HIBADH: variants seen among roughly 807,000 people sequenced by gnomAD.
HIBADH encodes 3-hydroxyisobutyrate dehydrogenase, mitochondrial.
A neutral mutation model predicts 36.1 loss-of-function variants in HIBADH; 25 were observed. That is an observed-to-expected ratio of 0.69 (90% confidence interval 0.50 to 0.97). The LOEUF is 0.97. HIBADH is among the 50% of genes least tolerant of loss of function. HIBADH has a pLI of 0.00. For synonymous variants in HIBADH, 160 were observed against 149.5 expected (o/e 1.07, Z -0.51); for missense variants, 421 against 418.0 (o/e 1.01, Z -0.06).
At position 27,632,544 on chromosome 7, in the gene HIBADH, A is replaced by G. The variant is rs190569324; in HGVS notation, c.253-99T>C. On this transcript the variant is annotated intron_variant, in intron 2 of 7. Transcript: ENST00000265395. The stretch of plus-strand genomic sequence containing the variant: ...CTTTTCATGCATGCCTATAACAGTG[A>G]CAGTGCATAAAGACTAATCCTTGTT... The G allele has an allele frequency of 3.3e-3, 2,284 of 682,046 alleles. 8 individuals are homozygous for G. Among genetic ancestry groups the G allele is most frequent in the Non-Finnish European group, 4.6e-3 (1,781 of 385,762 alleles). 42.2% of individuals were successfully genotyped at this position (682,046 alleles called of 1,614,324 possible).
At chr7:27,651,975 C>T (rs1480652901) in intron 1 of HIBADH, among the ~76,000 whole-genome samples, 3 of 151,908 alleles carry the variant, frequency 2.0e-5, no homozygotes, top group Middle Eastern at 6.8e-3. Flanking sequence ...GAACTCCATA[C>T]AGAAAAAGGA....
chr7:27,609,840 C>A (rs929175230), intron 4 of HIBADH, among the ~76,000 whole-genome samples: 2 of 151,888 alleles, frequency 1.3e-5, no homozygotes, highest in African/African-American at 2.4e-5. Flanking sequence ...TTTTTTGAGA[C>A]AGAGTCTTGC....
chr7:27,640,050 C>G (rs1785933579), intron 2 of HIBADH, among the ~76,000 whole-genome samples: 2 of 152,184 alleles, frequency 1.3e-5, no homozygotes, highest in Non-Finnish European at 2.9e-5. Flanking sequence ...GGACTTTGGT[C>G]ACCGCCACCC....
At chr7:27,621,074 TC>T (rs1197243960) in intron 4 of HIBADH, among the ~76,000 whole-genome samples, 2 of 150,378 alleles carry the variant, frequency 1.3e-5, no homozygotes, top group Non-Finnish European at 2.9e-5. Context: ...CAAGCAAGAA[TC>T]GTTATACTTA....
chr7:27,534,304 G>C (rs1784041800), intron 6 of HIBADH, among the ~76,000 whole-genome samples: 1 of 149,784 alleles, frequency 6.7e-6, no homozygotes, highest in Non-Finnish European at 1.5e-5. Context: ...ACTAAACTGG[G>C]ATGTTTGTAT....
At chr7:27,616,946 G>C (rs1326432265) in intron 4 of HIBADH, among the ~76,000 whole-genome samples, 1 of 152,166 alleles carries the variant, frequency 6.6e-6, no homozygotes, top group Non-Finnish European at 1.5e-5. Context: ...AGTTTGTAAA[G>C]TAAAAATGTT....
chr7:27,572,817 T>C (rs1029824677), intron 4 of HIBADH, among the ~76,000 whole-genome samples: 14 of 152,158 alleles, frequency 9.2e-5, no homozygotes, highest in African/African-American at 3.4e-4. Flanking sequence ...TTGCTCAAAT[T>C]AAGAATTTGA....
chr7:27,599,776 A>C (rs1290738645), intron 4 of HIBADH, among the ~76,000 whole-genome samples: 1 of 151,580 alleles, frequency 6.6e-6, no homozygotes, highest in African/African-American at 2.4e-5. Context: ...TAAAACATTC[A>C]GTTTTTTTTT....
intron 7 of HIBADH, among the ~76,000 whole-genome samples, chr7:27,528,198 CTT>C (rs1044865669): frequency 1.3e-5 from 2 of 152,092 alleles, no homozygotes; most frequent in African/African-American, 4.8e-5. Flanking sequence ...CTCTCTCTCT[CTT>C]ACCCCTCAGG....
intron 4 of HIBADH, among the ~76,000 whole-genome samples, chr7:27,566,903 T>C (rs1055580489): frequency 2.0e-5 from 3 of 152,176 alleles, no homozygotes; most frequent in Non-Finnish European, 4.4e-5. Context: ...AGAATACATT[T>C]TGTTTAATTC....
chr7:27,583,375 C>A (rs773963072), intron 4 of HIBADH, among the ~76,000 whole-genome samples: 9 of 151,990 alleles, frequency 5.9e-5, no homozygotes, highest in Non-Finnish European at 1.2e-4. Context: ...AAAGCAAATA[C>A]CTTCACCAAA....
intron 4 of HIBADH, among the ~76,000 whole-genome samples, chr7:27,550,659 T>A (rs1784305313): frequency 6.6e-6 from 1 of 152,160 alleles, no homozygotes; most frequent in Admixed American, 6.6e-5. Flanking sequence ...CCCCCCTTTC[T>A]CTATTCTTAA....
At chr7:27,624,458 T>G (rs1401832248) in intron 4 of HIBADH, among the ~76,000 whole-genome samples, 1 of 152,232 alleles carries the variant, frequency 6.6e-6, no homozygotes, top group Non-Finnish European at 1.5e-5. Context: ...TATATAATTA[T>G]GGAAATATCA....
chr7:27,563,863 TAAC>T (rs1784501473), intron 4 of HIBADH, among the ~76,000 whole-genome samples: 1 of 151,982 alleles, frequency 6.6e-6, no homozygotes, highest in Non-Finnish European at 1.5e-5. Context: ...TTCAGCCTCT[TAAC>T]AGTGTTTTAG....
At chr7:27,626,159 C>A (rs995747990) in intron 4 of HIBADH, among the ~76,000 whole-genome samples, 1 of 137,874 alleles carries the variant, frequency 7.3e-6, no homozygotes. Context: ...AAAAGAAGCA[C>A]CAACCCCATT....
rs372529743 is a variant in HIBADH at position 27,543,112 on chromosome 7, G to T, written c.485-12C>A. 6.2e-7 allele frequency: 1 copy of T among 1,612,860 alleles called. No homozygotes were observed. Among genetic ancestry groups the T allele is most frequent in the Non-Finnish European group, 8.5e-7 (1 of 1,179,388 alleles). On this transcript the variant is annotated splice_polypyrimidine_tract_variant and intron_variant, in intron 4 of 7. Coordinates refer to ENST00000265395, the MANE Select transcript of HIBADH (RefSeq NM_152740.4). ...TGCAGCTCCTACACCTGAATCATTT[G>T]GGGGTAAAGGGATAGAAGCAAAAGA... is the stretch of plus-strand genomic sequence containing the variant.
intron 4 of HIBADH, among the ~76,000 whole-genome samples, chr7:27,606,913 A>C (rs1423746884): frequency 1.3e-5 from 2 of 150,884 alleles, no homozygotes; most frequent in Non-Finnish European, 2.9e-5. Context: ...ATGGAAGAGG[A>C]CAATGTAATC....
At chr7:27,655,323 T>C (rs921874266) in intron 1 of HIBADH, among the ~76,000 whole-genome samples, 2 of 152,214 alleles carry the variant, frequency 1.3e-5, no homozygotes. Flanking sequence ...GTAGTTTGGT[T>C]ACATAGGAGA....
chr7:27,657,033 C>T (rs11979446), intron 1 of HIBADH, among the ~76,000 whole-genome samples: 6,627 of 152,242 alleles, frequency 0.044, 457 homozygotes, highest in African/African-American at 0.15. Flanking sequence ...TGCCAAATGA[C>T]TGGTTCAGGA....
Sources: allele counts gnomAD v4.1 joint callset (sites outside exome capture counted in the v4.1 genomes callset), GRCh38; gene constraint gnomAD v4.1.1; transcripts MANE v1.5; gene names NCBI Gene and HGNC (gene_info 2026-07-23, HGNC 2026-07-21).